AGTPBP1: variants seen among roughly 807,000 people sequenced by gnomAD.
AGTPBP1 encodes cytosolic carboxypeptidase 1.
In AGTPBP1, 70 loss-of-function variants were observed where a neutral mutation model predicts 143.9. The observed-to-expected ratio is 0.49, with a 90% confidence interval of 0.40 to 0.59. The LOEUF is 0.59. Ranked by LOEUF, AGTPBP1 falls within the 20% of genes least tolerant of loss-of-function variation. The pLI, the probability that AGTPBP1 is intolerant of heterozygous loss-of-function variation, is 0.00. For synonymous variants in AGTPBP1, 463 were observed against 500.2 expected (o/e 0.93, Z 0.99); for missense variants, 1,229 against 1,464.5 (o/e 0.84, Z 2.62).
chr9:85,779,030 G>A, the AGTPBP1 span, among the ~76,000 whole-genome samples: 1 of 151,724 alleles, frequency 6.6e-6, no homozygotes, highest in Non-Finnish European at 1.5e-5. Flanking sequence ...AGCATTTTTG[G>A]GTCTAATCAG....
Position 85,585,556 on chromosome 9 carries a change from A to G in AGTPBP1, c.3072T>C (p.Asn1024=), listed in dbSNP as rs1828551202. Residue 1024 remains asparagine, a synonymous_variant, in exon 23 of 26, where the codon AAT becomes AAC. Transcript: ENST00000357081. ...TGATGCTGCAACCATACATAAATACATTCTTCTTTCGGGAATGGCCATGAT... is the reference window on the plus strand; with the variant it reads ...TGATGCTGCAACCATACATAAATACGTTCTTCTTTCGGGAATGGCCATGAT... ...CDYHGHSRKK[N]VFMYGCSIKE... 2 of 1,608,772 alleles carry G rather than the reference A, an allele frequency of 1.2e-6. No individual in the cohort carries two copies. Among genetic ancestry groups the G allele is most frequent in the Middle Eastern group, 3.3e-4 (2 of 6,044 alleles).
At chr9:85,547,321 G>T (rs1056110443) in intron 25 of AGTPBP1, 35 bp from the exon 26 acceptor site, 18 of 1,549,770 alleles carry the variant, frequency 1.2e-5, no homozygotes, top group Non-Finnish European at 1.4e-5. Context: ...ACAAGACTTT[G>T]TGAGGTCTTA....
chr9:85,550,748 G>A (rs1020843546), intron 25 of AGTPBP1, among the ~76,000 whole-genome samples: 1 of 152,066 alleles, frequency 6.6e-6, no homozygotes, highest in Admixed American at 6.6e-5. Context: ...AGTATGCTCG[G>A]TAACATTCAC....
At chr9:85,781,953 C>T in the AGTPBP1 span, among the ~76,000 whole-genome samples, 2 of 152,092 alleles carry the variant, frequency 1.3e-5, no homozygotes, top group African/African-American at 4.8e-5. Context: ...AATATACCCT[C>T]TTTAAGATAG....
At position 85,692,706 on chromosome 9, in the gene AGTPBP1, T is replaced by C; in HGVS notation, c.140A>G (p.His47Arg). 6.2e-7 allele frequency: 1 copy of C among 1,613,936 alleles called. No homozygotes were observed. Among genetic ancestry groups the C allele is most frequent in the Non-Finnish European group, 8.5e-7 (1 of 1,179,952 alleles). Residue 47 changes from histidine (H) to arginine (R), a missense_variant, in exon 3 of 26, where the codon CAT (histidine) becomes CGT (arginine). Coordinates refer to ENST00000357081, the MANE Select transcript of AGTPBP1 (RefSeq NM_001330701.2). Reference sequence around the variant, plus strand: ...ATGTTTACCTTGACTCTGAGCCAGATGAAGAATTTTTGATGTAACATATCG... The same window carrying C: ...ATGTTTACCTTGACTCTGAGCCAGACGAAGAATTTTTGATGTAACATATCG... ...TARYVTSKILHLAQSQEKTRR... is the reference protein window; with the variant it reads ...TARYVTSKILRLAQSQEKTRR...
At chr9:85,798,614 C>T in the AGTPBP1 span, among the ~76,000 whole-genome samples, 2,324 of 152,188 alleles carry the variant, frequency 0.015, 63 homozygotes, top group African/African-American at 0.053. Flanking sequence ...GTGACCCACC[C>T]ACCTTGGCCT....
At position 85,632,832 on chromosome 9, in the gene AGTPBP1, C is replaced by A; in HGVS notation, c.1845G>T (p.Ser615=). 6.2e-7 allele frequency: 1 copy of A among 1,614,118 alleles called. No homozygotes were observed. The highest frequency in any genetic ancestry group is 8.5e-7 in the Non-Finnish European group (1 of 1,180,000). Residue 615 remains serine (S), a synonymous_variant, in exon 14 of 26, where the codon TCG becomes TCT. Coordinates refer to ENST00000357081, the MANE Select transcript of AGTPBP1 (RefSeq NM_001330701.2). ...GTGTTGGTCCATCAGGTACTTCAACCGATGCTTGTTCTACCGATGAATTTG... is the reference window on the plus strand; with the variant it reads ...GTGTTGGTCCATCAGGTACTTCAACAGATGCTTGTTCTACCGATGAATTTG... ...TESNSSVEQA[S]VEVPDGPTLH... is the part of the protein sequence containing the mutation.
At chr9:85,631,521 C>T (rs1186639092) in intron 14 of AGTPBP1, among the ~76,000 whole-genome samples, 2 of 152,178 alleles carry the variant, frequency 1.3e-5, no homozygotes, top group Non-Finnish European at 2.9e-5. Flanking sequence ...ACACATCTTT[C>T]CCAGGGAGGT....
chr9:85,802,250 A>G, the AGTPBP1 span, among the ~76,000 whole-genome samples: 1 of 152,066 alleles, frequency 6.6e-6, no homozygotes, highest in Admixed American at 6.6e-5. Flanking sequence ...CCGTCTTTCC[A>G]CCATTCTTCA....
chr9:85,632,715 G>T lies in AGTPBP1; in HGVS notation c.1962C>A (p.His654Gln). ...TAGGCTCTTTGAATGGAGGCGGAAT[G>T]TGACCAAAATAATCGGGATAAGCCA... ...SEVAYPDYFGHIPPPFKEPIL... is the reference protein window; with the variant it reads ...SEVAYPDYFGQIPPPFKEPIL... The change falls in exon 14 of 26, where the codon CAC becomes CAA. Residue 654 changes from histidine (H) to glutamine (Q), a missense_variant. Physicochemically the swap from His to Gln is conservative, Grantham distance 24 (BLOSUM62 0). Around this residue, in one of 2 missense-constraint regions of AGTPBP1, gnomAD observed 743 missense variants for 812.2 expected, o/e 0.91. Coordinates refer to ENST00000357081, the MANE Select transcript of AGTPBP1 (RefSeq NM_001330701.2). The T allele has an allele frequency of 6.2e-7, 1 of 1,614,004 alleles. No individual in the cohort carries two copies. Among genetic ancestry groups the T allele is most frequent in the South Asian group, 1.1e-5 (1 of 91,068 alleles).
chr9:85,710,702 A>AAC lies in AGTPBP1; in HGVS notation c.32+1799_32+1800insGT, dbSNP rs1564170784. Reference sequence around the variant, plus strand: ...ACAACAACAACAACAACAACAACAAAAAAAACAAATATCCAATAAAATATA... The same window carrying AAC: ...ACAACAACAACAACAACAACAACAAAACAAAAACAAATATCCAATAAAATATA... On this transcript the variant is annotated intron_variant, in intron 2 of 25. Coordinates refer to ENST00000357081, the MANE Select transcript of AGTPBP1 (RefSeq NM_001330701.2). 1.7e-4 allele frequency among the ~76,000 whole-genome samples: 26 copies of AAC among 149,958 alleles called. No individual in the cohort carries two copies. In the South Asian group the frequency reaches 2.3e-3, roughly 13 times the overall value.
At chr9:85,718,698 CT>C (rs1164472142) in intron 1 of AGTPBP1, among the ~76,000 whole-genome samples, 2 of 152,072 alleles carry the variant, frequency 1.3e-5, no homozygotes, top group African/African-American at 4.8e-5. Context: ...TCAATTTTGG[CT>C]TTTGTTGCCA....
the AGTPBP1 span, among the ~76,000 whole-genome samples, chr9:85,772,572 C>A: frequency 6.6e-6 from 1 of 152,096 alleles, no homozygotes; most frequent in South Asian, 2.1e-4. Flanking sequence ...CATAGTGAGA[C>A]CCTGTCTCTA....
At chr9:85,572,004 GTTTTTTTTTTTTTTTTTTTTTT>G (rs55882437) in intron 25 of AGTPBP1, among the ~76,000 whole-genome samples, 28 of 43,498 alleles carry the variant, frequency 6.4e-4, no homozygotes, top group South Asian at 6.2e-3. Context: ...GTTTGTGTGT[GTTTTTTTTTTTTTTTTTTTTTT>G]TTTTTTTTTT....
chr9:85,590,311 C>A (rs986010950), intron 19 of AGTPBP1, among the ~76,000 whole-genome samples: 1 of 151,946 alleles, frequency 6.6e-6, no homozygotes, highest in African/African-American at 2.4e-5. Context: ...TGATTACAGA[C>A]TTTTATAATT....
chr9:85,590,698 C>T (rs1828906601), intron 19 of AGTPBP1, among the ~76,000 whole-genome samples: 1 of 152,064 alleles, frequency 6.6e-6, no homozygotes, highest in South Asian at 2.1e-4. Context: ...GAGGAAAGGT[C>T]TTCTACAGAA....
the AGTPBP1 span, among the ~76,000 whole-genome samples, chr9:85,788,675 CTTG>C: frequency 2.0e-5 from 3 of 148,850 alleles, no homozygotes; most frequent in Non-Finnish European, 3.0e-5. Context: ...GTATTATATA[CTTG>C]TATATAGATA....
At chr9:85,653,131 C>A (rs1833271045) in intron 11 of AGTPBP1, among the ~76,000 whole-genome samples, 1 of 151,122 alleles carries the variant, frequency 6.6e-6, no homozygotes, top group Admixed American at 6.6e-5. Flanking sequence ...GAAAACAAAG[C>A]AGAGGCAAGG....
intron 17 of AGTPBP1, among the ~76,000 whole-genome samples, chr9:85,601,922 A>G (rs1026767112): frequency 6.6e-6 from 1 of 152,210 alleles, no homozygotes; most frequent in African/African-American, 2.4e-5. Context: ...TACAGGGGCC[A>G]CATTACTGCA....
Sources: allele counts gnomAD v4.1 joint callset (sites outside exome capture counted in the v4.1 genomes callset), GRCh38; gene constraint gnomAD v4.1.1; regional missense constraint gnomAD v4.1.1; transcripts MANE v1.5; gene names NCBI Gene and HGNC (gene_info 2026-07-23, HGNC 2026-07-21).